ERN1: variants seen among roughly 807,000 people sequenced by gnomAD.
The protein encoded by ERN1 is endoplasmic reticulum to nucleus signaling 1, also known as serine/threonine-protein kinase/endoribonuclease IRE1.
ERN1 carries 39 observed loss-of-function variants against 113.1 expected under a neutral mutation model. The ratio of observed to expected loss-of-function variants is 0.34; its 90% CI spans 0.27 to 0.45. ERN1 has a LOEUF of 0.45. Ranked by LOEUF, ERN1 falls within the 20% of genes least tolerant of loss-of-function variation. The probability of loss-of-function intolerance (pLI) is 1.00; values close to 1 mark genes in which losing one functional copy is unlikely to be tolerated. For missense variants in ERN1, 976 were observed against 1,274.8 expected (o/e 0.77, Z 3.57); for synonymous variants, 507 against 515.9 (o/e 0.98, Z 0.23).
intron 6 of ERN1, among the ~76,000 whole-genome samples, chr17:64,070,775 G>GT (rs1405587734): frequency 6.6e-6 from 1 of 152,140 alleles, no homozygotes; most frequent in Non-Finnish European, 1.5e-5. Flanking sequence ...CCTTCTAAAT[G>GT]TTTTTTGTTT....
intron 1 of ERN1, among the ~76,000 whole-genome samples, chr17:64,122,500 A>T (rs1452598208): frequency 6.6e-6 from 1 of 152,176 alleles, no homozygotes; most frequent in Non-Finnish European, 1.5e-5. Flanking sequence ...CTATTCATAC[A>T]TGCTTCTAGG....
intron 11 of ERN1, among the ~76,000 whole-genome samples, chr17:64,058,524 T>C (rs1363178092): frequency 3.3e-5 from 5 of 152,212 alleles, no homozygotes; most frequent in Non-Finnish European, 4.4e-5. Flanking sequence ...AGTAGTCCAC[T>C]ATTTCTTCAA....
intron 4 of ERN1, among the ~76,000 whole-genome samples, chr17:64,078,094 T>C (rs1244735245): frequency 2.6e-5 from 4 of 152,236 alleles, no homozygotes; most frequent in African/African-American, 4.8e-5. Flanking sequence ...CTAAGGACTT[T>C]AGCACTTACT....
Position 64,072,032 on chromosome 17 carries a change from A to G in ERN1, c.427T>C (p.Phe143Leu). ...GEKQQTLSSA[F>L]ADSLCPSTSL... ...GTTGATGGGCAGAGACTATCTGCAA[A>G]GGCCGATGACAAAGTCTGCTGCTTC... Residue 143 changes from phenylalanine to leucine, a missense_variant, in exon 6 of 22, where the codon TTT (phenylalanine) becomes CTT (leucine). Physicochemically the swap from Phe to Leu is conservative, Grantham distance 22. This residue lies in a region of ERN1 where 459 missense variants were observed against 581.2 expected (regional missense o/e 0.79). Coordinates refer to ENST00000433197, the MANE Select transcript of ERN1 (RefSeq NM_001433.5). 1.9e-6 allele frequency: 3 copies of G among 1,603,626 alleles called. No individual in the cohort carries two copies. The highest frequency in any genetic ancestry group is 1.7e-6 in the Non-Finnish European group (2 of 1,174,742).
intron 1 of ERN1, among the ~76,000 whole-genome samples, chr17:64,106,763 CA>C (rs1555618830): frequency 3.6e-5 from 5 of 138,458 alleles, no homozygotes; most frequent in African/African-American, 1.2e-4. Context: ...CACACACACA[CA>C]AGCTCGCTGT....
chr17:64,049,103 T>A lies in ERN1; in HGVS notation c.2353A>T (p.Ile785Phe), dbSNP rs1912602571. 1 of 1,610,058 alleles carries A rather than the reference T, an allele frequency of 6.2e-7. No homozygotes were observed. ...TCAAGGCTGCAGGCACCCAGGAGGA[T>A]GTTGGCCTGCCGCTGCAGGGACTTG... ...FGKSLQRQAN[I>F]LLGACSLDCL... Residue 785 changes from isoleucine to phenylalanine, a missense_variant, in exon 18 of 22, where the codon ATC (isoleucine) becomes TTC (phenylalanine). Transcript: ENST00000433197. This position sits in a 1 kb window ranked among gnomAD's most constrained non-coding sequence, Gnocchi z 4.7.
chr17:64,064,013 AG>A lies in ERN1; in HGVS notation c.1059del (p.Tyr354ThrfsTer2). 1 of 1,613,948 alleles carries A rather than the reference AG, an allele frequency of 6.2e-7. No homozygotes were observed. Among genetic ancestry groups the A allele is most frequent in the Non-Finnish European group, 8.5e-7 (1 of 1,179,880 alleles). On this transcript the variant is annotated frameshift_variant, in exon 10 of 22. Coordinates refer to ENST00000433197, the MANE Select transcript of ERN1 (RefSeq NM_001433.5). LOFTEE classifies it high-confidence loss of function. Reference protein sequence around the residue: ...DPGLKSKNKLNYLRNYWLLIG... With the variant: ...DPGLKSKNKLXYLRNYWLLIG... ...ATCAGAAGCCAGTAATTCCTCAAGT[AG>A]TTGAGCTTGTTCTTGCTTTTGAGTC...
intron 10 of ERN1, 140 bp from the exon 11 acceptor site, chr17:64,060,727 G>C: frequency 1.6e-6 from 1 of 632,596 alleles, no homozygotes; most frequent in South Asian, 1.9e-5. Flanking sequence ...TAGAGAAAAT[G>C]AGTGGCAGTT....
rs1017268642 is a variant in ERN1, at chr17:64,048,971, G to T, written c.2401+84C>A. 1.5e-5 allele frequency: 20 copies of T among 1,367,984 alleles called. No individual in the cohort carries two copies. The East Asian group carries it at 4.5e-4, about 31-fold the overall frequency. 84.7% of individuals were successfully genotyped at this position (1,367,984 alleles called of 1,614,324 possible). ...CTGGGGCACCACGGCCTCTGTGAGT[G>T]CAAAGGTGGCACCAGCCCAGCTCTG... On this transcript the variant is annotated intron_variant, in intron 18 of 21. Coordinates refer to ENST00000433197, the MANE Select transcript of ERN1 (RefSeq NM_001433.5).
intron 1 of ERN1, among the ~76,000 whole-genome samples, chr17:64,119,376 G>GTTGTTTTTTTTTTTGTTTTT (rs777806993): frequency 1.3e-5 from 1 of 77,896 alleles, no homozygotes; most frequent in African/African-American, 5.6e-5. Flanking sequence ...TTTTTTCTAG[G>GTTGTTTTTTTTTTTGTTTTT]TTTTTTTTTT....
At chr17:64,073,125 C>T (rs530617481) in intron 5 of ERN1, among the ~76,000 whole-genome samples, 62 of 151,740 alleles carry the variant, frequency 4.1e-4, no homozygotes, top group Non-Finnish European at 7.5e-4. Context: ...TTTGCCTCAG[C>T]CTCCCCATAG....
intron 7 of ERN1, 24 bp downstream of exon 7, chr17:64,068,166 T>C: frequency 6.4e-7 from 1 of 1,558,528 alleles, no homozygotes; most frequent in East Asian, 2.3e-5. Context: ...CCCAAGCTTG[T>C]GAAATCCAGC....
chr17:64,078,862 T>C (rs1327854776), intron 4 of ERN1, among the ~76,000 whole-genome samples: 1 of 152,010 alleles, frequency 6.6e-6, no homozygotes, highest in African/African-American at 2.4e-5. Context: ...AAAAATTAGC[T>C]GGGCGTGGAG....
chr17:64,078,416 C>T (rs1309275103), intron 4 of ERN1, among the ~76,000 whole-genome samples: 1 of 152,072 alleles, frequency 6.6e-6, no homozygotes, highest in African/African-American at 2.4e-5. Flanking sequence ...GATGTGTATA[C>T]TACAAATACT....
At chr17:64,123,292 G>C (rs549337412) in intron 1 of ERN1, among the ~76,000 whole-genome samples, 1 of 152,136 alleles carries the variant, frequency 6.6e-6, no homozygotes, top group Non-Finnish European at 1.5e-5. Context: ...GGGTGCTCAT[G>C]GGTGCCACAT....
chr17:64,110,379 T>C (rs1019588410), intron 1 of ERN1, among the ~76,000 whole-genome samples: 2 of 152,218 alleles, frequency 1.3e-5, no homozygotes, highest in African/African-American at 4.8e-5. Context: ...ATCTACTCTC[T>C]TAGCCATTTT....
chr17:64,115,571 C>T (rs1914783281), intron 1 of ERN1, among the ~76,000 whole-genome samples: 1 of 152,230 alleles, frequency 6.6e-6, no homozygotes, highest in South Asian at 2.1e-4. Flanking sequence ...CCCTACCCTG[C>T]TCAGCTGTCT....
rs750449311 is a variant in ERN1 at position 64,098,215 on chromosome 17, C to T, written c.81G>A (p.Thr27=). ...LGIFGSTSTV[T]LPETLLFVST... ...ACACAAACAACAAGGTTTCAGGAAGCGTCACTGTGCTGGTACTTCCAAAAA... is the reference window on the plus strand; with the variant it reads ...ACACAAACAACAAGGTTTCAGGAAGTGTCACTGTGCTGGTACTTCCAAAAA... Residue 27 remains threonine (T), a synonymous_variant, in exon 2 of 22, where the codon ACG becomes ACA. Transcript: ENST00000433197. 9.3e-6 allele frequency: 15 copies of T among 1,613,748 alleles called. No homozygotes were observed. Among genetic ancestry groups the T allele is most frequent in the Middle Eastern group, 1.6e-4 (1 of 6,084 alleles).
chr17:64,055,595 A>G (rs914545056), intron 13 of ERN1, 80 bp downstream of exon 13: 2 of 1,325,852 alleles, frequency 1.5e-6, no homozygotes, highest in Admixed American at 5.5e-5. Flanking sequence ...GTAGTTTACA[A>G]TCTTATGGAG....
Sources: allele counts gnomAD v4.1 joint callset (sites outside exome capture counted in the v4.1 genomes callset), GRCh38; gene constraint gnomAD v4.1.1; regional missense constraint gnomAD v4.1.1; non-coding constraint Gnocchi (gnomAD v3.1); transcripts MANE v1.5; gene names NCBI Gene and HGNC (gene_info 2026-07-23, HGNC 2026-07-21).